Variants in XIRP2 observed in about 807,000 individuals in gnomAD.
XIRP2 encodes xin actin binding repeat containing 2, also known as xin actin-binding repeat-containing protein 2.
Under a neutral mutation model 277.0 loss-of-function variants are expected in XIRP2, and 236 were observed. The observed-to-expected ratio is 0.85, with a 90% CI of 0.77 to 0.95. The LOEUF (loss-of-function observed/expected upper bound fraction) is 0.95. Ranked by LOEUF, XIRP2 falls within the 40% of genes least tolerant of loss-of-function variation. XIRP2 has a pLI of 0.00. For missense variants in XIRP2, 4,640 were observed against 4,157.5 expected, an observed-to-expected ratio of 1.12 and a Z score of -3.19; for synonymous variants, 1,490 against 1,416.5, an observed-to-expected ratio of 1.05 and a Z score of -1.17.
chr2:166,925,182 G>A (rs1293338405), intron 2 of XIRP2, among the ~76,000 whole-genome samples: 2 of 152,022 alleles, frequency 1.3e-5, no homozygotes, highest in Non-Finnish European at 2.9e-5. Context: ...GTATTGTTCA[G>A]TGAAACATCT....
intron 2 of XIRP2, among the ~76,000 whole-genome samples, chr2:167,009,178 G>C (rs1262300791): frequency 1.3e-5 from 2 of 150,688 alleles, no homozygotes; most frequent in African/African-American, 2.4e-5. Context: ...TCATCATTTA[G>C]CATTAGGTAT....
At chr2:167,161,279 C>T (rs1692354089) in intron 3 of XIRP2, among the ~76,000 whole-genome samples, 1 of 152,236 alleles carries the variant, frequency 6.6e-6, no homozygotes, top group South Asian at 2.1e-4. Flanking sequence ...GCCTTCTTCT[C>T]ACAACTCCAC....
chr2:167,203,750 C>T (rs1291304498), intron 3 of XIRP2, among the ~76,000 whole-genome samples: 2 of 152,132 alleles, frequency 1.3e-5, no homozygotes, highest in Non-Finnish European at 2.9e-5. Context: ...CAGTAGCATT[C>T]TGAATGCTTA....
intron 2 of XIRP2, among the ~76,000 whole-genome samples, chr2:167,084,737 T>C (rs964657283): frequency 6.6e-6 from 1 of 151,272 alleles, no homozygotes; most frequent in African/African-American, 2.4e-5. Context: ...GTAGAGGTGT[T>C]TGTAGTATTC....
chr2:166,924,612 G>T (rs12151390), intron 2 of XIRP2, among the ~76,000 whole-genome samples: 31,628 of 151,724 alleles, frequency 0.21, 3,991 homozygotes, highest in Admixed American at 0.28. Context: ...TTACAAACAG[G>T]TTGAAGACTA....
intron 2 of XIRP2, among the ~76,000 whole-genome samples, chr2:167,011,084 C>T (rs1342951010): frequency 2.0e-5 from 3 of 150,946 alleles, no homozygotes; most frequent in Admixed American, 6.6e-5. Flanking sequence ...GCCTAATTGC[C>T]CTGGCCAGAA....
intron 2 of XIRP2, among the ~76,000 whole-genome samples, chr2:166,911,870 G>T (rs968147032): frequency 6.6e-6 from 1 of 152,088 alleles, no homozygotes; most frequent in African/African-American, 2.4e-5. Flanking sequence ...CACTTATGAA[G>T]CTTAGTTTGG....
chr2:167,122,125 G>T (rs924435241), intron 2 of XIRP2, among the ~76,000 whole-genome samples: 2 of 152,052 alleles, frequency 1.3e-5, no homozygotes, highest in African/African-American at 4.8e-5. Context: ...AAGAAATTAG[G>T]TAACATGCCC....
chr2:167,146,590 G>A (rs1175145839), intron 3 of XIRP2, among the ~76,000 whole-genome samples: 1 of 151,778 alleles, frequency 6.6e-6, no homozygotes, highest in Non-Finnish European at 1.5e-5. Context: ...ATGAAAGAAA[G>A]ATTAAAAGGT....
chr2:167,162,726 T>C (rs1302505412), intron 3 of XIRP2, among the ~76,000 whole-genome samples: 1 of 152,188 alleles, frequency 6.6e-6, no homozygotes, highest in Non-Finnish European at 1.5e-5. Flanking sequence ...TTACACAGAA[T>C]AAAATACACA....
chr2:167,079,572 G>A lies in XIRP2; in HGVS notation c.409-56337G>A, dbSNP rs373877308. ...TCTTCCTGACTCAGTCATGGAGGCT[G>A]TATGTTTCCAGGGATTTATCCATTT... On this transcript the variant is annotated intron_variant, in intron 2 of 10. Transcript: ENST00000409195. 2.6e-5 allele frequency among the ~76,000 whole-genome samples: 4 copies of A among 152,196 alleles called. No homozygotes were observed. In the East Asian group the frequency reaches 7.7e-4, roughly 29 times the overall value.
At chr2:167,124,801 G>A (rs890714404) in intron 2 of XIRP2, among the ~76,000 whole-genome samples, 5 of 152,128 alleles carry the variant, frequency 3.3e-5, no homozygotes, top group Admixed American at 2.0e-4. Flanking sequence ...GTGGCAAAGC[G>A]GGGCATTCAG....
At chr2:167,167,869 T>C (rs1198357580) in intron 3 of XIRP2, among the ~76,000 whole-genome samples, 1 of 152,202 alleles carries the variant, frequency 6.6e-6, no homozygotes, top group Non-Finnish European at 1.5e-5. Context: ...CTTTCTGACC[T>C]ATATCATTTT....
chr2:166,987,271 T>A (rs1281683974), intron 2 of XIRP2, among the ~76,000 whole-genome samples: 2 of 152,112 alleles, frequency 1.3e-5, no homozygotes, highest in African/African-American at 4.8e-5. Context: ...ATTGCCTACA[T>A]AAGGGCTGGG....
rs1205471414 is a variant in XIRP2, at chr2:167,246,422, T to C, written c.5030T>C (p.Ile1677Thr). The C allele has an allele frequency of 6.2e-7, 1 of 1,613,596 alleles. No individual in the cohort carries two copies. The highest frequency in any genetic ancestry group is 8.5e-7 in the Non-Finnish European group (1 of 1,179,802). Residue 1677 changes from isoleucine to threonine, a missense_variant, in exon 9 of 11, where the codon ATC (isoleucine) becomes ACC (threonine). Ile to Thr is a moderately conservative substitution (Grantham distance 89). Coordinates refer to ENST00000409195, the MANE Select transcript of XIRP2 (RefSeq NM_152381.6). ...GAGGAAAGATCTGTAAAGAAAGGCA[T>C]CTTAATTCAGGAAGATGAAAAAGGA... The part of the protein sequence containing the change: ...FSEERSVKKG[I>T]LIQEDEKGDI...
At chr2:167,003,714 C>T (rs943733951) in intron 2 of XIRP2, among the ~76,000 whole-genome samples, 1 of 151,758 alleles carries the variant, frequency 6.6e-6, no homozygotes, top group Non-Finnish European at 1.5e-5. Context: ...ACTTTATTCT[C>T]GAAGCAATGG....
chr2:167,083,819 G>A (rs1209667940), intron 2 of XIRP2, among the ~76,000 whole-genome samples: 16 of 152,168 alleles, frequency 1.1e-4, no homozygotes, highest in Admixed American at 6.6e-4. Context: ...GAAGTTGCTT[G>A]TCAGCTTAAG....
At chr2:167,085,525 C>T (rs1055917090) in intron 2 of XIRP2, among the ~76,000 whole-genome samples, 1 of 151,906 alleles carries the variant, frequency 6.6e-6, no homozygotes, top group Non-Finnish European at 1.5e-5. Context: ...GTTGATCTGT[C>T]TAATGTTGAC....
At chr2:167,073,347 A>T (rs1305715516) in intron 2 of XIRP2, among the ~76,000 whole-genome samples, 1 of 152,142 alleles carries the variant, frequency 6.6e-6, no homozygotes, top group Non-Finnish European at 1.5e-5. Context: ...AATATAAATA[A>T]CAATGACTTG....
Sources: gnomAD v4.1 joint callset for allele counts (sites outside exome capture counted in the v4.1 genomes callset) on GRCh38, gnomAD v4.1.1 for gene constraint, MANE v1.5 for transcripts, NCBI Gene and HGNC (gene_info 2026-07-23, HGNC 2026-07-21) for gene names.